FGD5: variants seen among roughly 807,000 people sequenced by gnomAD.
FGD5 encodes FYVE, RhoGEF and PH domain-containing protein 5.
A neutral mutation model predicts 133.4 loss-of-function variants in FGD5; 28 were observed. The ratio of observed to expected loss-of-function variants is 0.21; its 90% CI spans 0.16 to 0.29. The LOEUF (loss-of-function observed/expected upper bound fraction) is 0.29. Among genes scored for constraint, FGD5 ranks in the 10% least tolerant of loss-of-function variants. The probability of loss-of-function intolerance (pLI) is 1.00; values close to 1 mark genes in which losing one functional copy is unlikely to be tolerated. For missense variants in FGD5, 1,858 were observed against 1,895.2 expected (o/e 0.98, Z 0.36); for synonymous variants, 810 against 776.5 (o/e 1.04, Z -0.72).
chr3:14,898,934 G>A (rs999402211), intron 7 of FGD5, 108 bp downstream of exon 7: 2 of 999,102 alleles, frequency 2.0e-6, no homozygotes, highest in South Asian at 1.5e-5. Flanking sequence ...TGTCAGGCAG[G>A]TGTTGGGGAA....
intron 1 of FGD5, among the ~76,000 whole-genome samples, chr3:14,846,406 G>T (rs745797324): frequency 6.6e-6 from 1 of 152,154 alleles, no homozygotes; most frequent in Non-Finnish European, 1.5e-5. Context: ...TATTGTCGTG[G>T]TCTCTGTCCT....
intron 10 of FGD5, among the ~76,000 whole-genome samples, chr3:14,908,204 A>C (rs1398794048): frequency 6.6e-6 from 1 of 152,256 alleles, no homozygotes; most frequent in Non-Finnish European, 1.5e-5. Context: ...GAGACAAAGG[A>C]ATGAAAGTAC....
intron 11 of FGD5, among the ~76,000 whole-genome samples, chr3:14,913,168 A>G (rs1056198292): frequency 6.6e-6 from 1 of 152,152 alleles, no homozygotes; most frequent in Non-Finnish European, 1.5e-5. Flanking sequence ...ACTCACAGAC[A>G]TGTGCGAGCC....
Position 14,864,166 on chromosome 3 carries a change from C to T in FGD5, c.2564C>T (p.Ser855Leu), listed in dbSNP as rs750383239. ...CCCTACAAAGTCTGTCCCATCTCGTCGGCAGCCCCCAAAGAGGACCTTACG... is the reference window on the plus strand; with the variant it reads ...CCCTACAAAGTCTGTCCCATCTCGTTGGCAGCCCCCAAAGAGGACCTTACG... ...TEPYKVCPIS[S>L]AAPKEDLTSD... Residue 855 changes from serine to leucine, a missense_variant, in exon 2 of 20, where the codon TCG becomes TTG. Physicochemically the swap from Ser to Leu is moderately radical, Grantham distance 145. Around this residue, in one of 3 missense-constraint regions of FGD5, gnomAD observed 1,824 missense variants for 1,848.9 expected, o/e 0.99. Transcript: ENST00000285046. 4 of 1,614,006 alleles carry T rather than the reference C, an allele frequency of 2.5e-6. No individual in the cohort carries two copies. The highest frequency in any genetic ancestry group is 2.2e-5 in the East Asian group (1 of 44,884).
chr3:14,812,034 GTA>G (rs140835409), intron 1 of FGD5, among the ~76,000 whole-genome samples: 449 of 97,456 alleles, frequency 4.6e-3, no homozygotes, highest in East Asian at 0.018. Context: ...GTGTGTGTAT[GTA>G]TGTGTGTGTG....
intron 1 of FGD5, chr3:14,810,942 C>A: frequency 1.0e-6 from 1 of 973,376 alleles, no homozygotes; most frequent in Non-Finnish European, 1.2e-6. Context: ...TTGGAGCTCC[C>A]GGGGAGCCCG....
intron 1 of FGD5, among the ~76,000 whole-genome samples, chr3:14,844,221 T>A (rs1272802336): frequency 0.17 from 1,891 of 11,224 alleles, 137 homozygotes; most frequent in South Asian, 0.21. Context: ...AAAAAAAATA[T>A]ATATATATAT....
At chr3:14,903,802 C>T (rs1415998303) in intron 9 of FGD5, among the ~76,000 whole-genome samples, 1 of 152,024 alleles carries the variant, frequency 6.6e-6, no homozygotes, top group African/African-American at 2.4e-5. Context: ...TTCAGATTTC[C>T]TTAGTTTTGC....
upstream of FGD5, among the ~76,000 whole-genome samples, chr3:14,814,867 C>G (rs532206648): frequency 2.6e-5 from 4 of 152,308 alleles, no homozygotes; most frequent in South Asian, 6.2e-4. Context: ...TGCGCAGACT[C>G]AAAACCTTGG....
chr3:14,839,850 A>G (rs2036884409), intron 1 of FGD5, among the ~76,000 whole-genome samples: 2 of 152,020 alleles, frequency 1.3e-5, no homozygotes, highest in Non-Finnish European at 1.5e-5. Flanking sequence ...GGAGAATCGC[A>G]TGAACCTGGG....
chr3:14,924,258 C>T, intron 17 of FGD5, 120 bp downstream of exon 17: 3 of 1,459,114 alleles, frequency 2.1e-6, no homozygotes, highest in Non-Finnish European at 2.8e-6. Flanking sequence ...CCAGACAGAG[C>T]ATTCCTAATG....
chr3:14,913,007 G>A (rs1447995730), intron 11 of FGD5, among the ~76,000 whole-genome samples: 1 of 152,054 alleles, frequency 6.6e-6, no homozygotes, highest in Non-Finnish European at 1.5e-5. Flanking sequence ...TTACACTCCA[G>A]CCTGGGCGAC....
chr3:14,877,248 C>T (rs1320397999), intron 2 of FGD5, among the ~76,000 whole-genome samples: 1 of 152,258 alleles, frequency 6.6e-6, no homozygotes, highest in African/African-American at 2.4e-5. Context: ...GGCACACAGC[C>T]TGCCAGGCCT....
intron 4 of FGD5, among the ~76,000 whole-genome samples, chr3:14,883,480 A>T (rs2037867172): frequency 6.6e-6 from 1 of 152,138 alleles, no homozygotes; most frequent in Non-Finnish European, 1.5e-5. Context: ...TGACACAACC[A>T]TGCACCCATT....
At chr3:14,906,019 G>C (rs116598944) in intron 9 of FGD5, among the ~76,000 whole-genome samples, 1 of 152,122 alleles carries the variant, frequency 6.6e-6, no homozygotes, top group Non-Finnish European at 1.5e-5. Flanking sequence ...TTTTGCTGCC[G>C]TGTCATCAAC....
At chr3:14,826,580 A>G (rs1290244954) in intron 1 of FGD5, among the ~76,000 whole-genome samples, 1 of 152,234 alleles carries the variant, frequency 6.6e-6, no homozygotes, top group Non-Finnish European at 1.5e-5. Flanking sequence ...CTGCCTTGGA[A>G]TGTCATTAAG....
rs776987552 is a variant in FGD5 at position 14,922,532 on chromosome 3, G to A, written c.3791G>A (p.Cys1264Tyr). Residue 1264 changes from cysteine (C) to tyrosine (Y), a missense_variant, in exon 15 of 20, where the codon TGT becomes TAT. Around this residue, in one of 3 missense-constraint regions of FGD5, gnomAD observed 1,824 missense variants for 1,848.9 expected, o/e 0.99. Transcript: ENST00000285046. The surrounding 1 kb of genome is among the most constrained non-coding windows in gnomAD (Gnocchi z 4.1). The stretch of plus-strand genomic sequence containing the variant: ...TCCCTCACCCTGCGGCGTCATCACT[G>A]TCACGCCTGTGGCAAGGTGAGTCGC... ...DFSLTLRRHH[C>Y]HACGKIVCRN... 6.3e-7 allele frequency: 1 copy of A among 1,581,998 alleles called. No homozygotes were observed. Among genetic ancestry groups the A allele is most frequent in the Non-Finnish European group, 8.6e-7 (1 of 1,164,220 alleles).
At chr3:14,878,725 C>CT (rs571884717) in intron 2 of FGD5, among the ~76,000 whole-genome samples, 19,174 of 133,590 alleles carry the variant, frequency 0.14, 1,711 homozygotes, top group East Asian at 0.38. Context: ...AAAGCCCATG[C>CT]TTTTTTTTTT....
At position 14,820,797 on chromosome 3, in the gene FGD5, A is replaced by T. The variant is rs763346474; in HGVS notation, c.1726A>T (p.Ile576Leu). Residue 576 changes from isoleucine (I) to leucine (L), a missense_variant, in exon 1 of 20, where the codon ATA becomes TTA. Coordinates refer to ENST00000285046, the MANE Select transcript of FGD5 (RefSeq NM_152536.4). ...GGGGTCAGGGTTGGATGACCACAGGATAAAGAGGAAAGAGGACAATCTCTC... is the reference window on the plus strand; with the variant it reads ...GGGGTCAGGGTTGGATGACCACAGGTTAAAGAGGAAAGAGGACAATCTCTC... ...PEGSGLDDHR[I>L]KRKEDNLSLS... The T allele has an allele frequency of 1.2e-6, 2 of 1,613,864 alleles. No individual in the cohort carries two copies. Among genetic ancestry groups the T allele is most frequent in the South Asian group, 1.1e-5 (1 of 91,060 alleles).
Sources: gnomAD v4.1 joint callset for allele counts (sites outside exome capture counted in the v4.1 genomes callset) on GRCh38, gnomAD v4.1.1 for gene constraint, gnomAD v4.1.1 regional missense constraint, Gnocchi (gnomAD v3.1) non-coding constraint, MANE v1.5 for transcripts, NCBI Gene and HGNC (gene_info 2026-07-23, HGNC 2026-07-21) for gene names.